The following PPP2R1B variants were observed in gnomAD, a reference collection of about 807,000 sequenced individuals.
PPP2R1B encodes the protein serine/threonine-protein phosphatase 2A 65 kDa regulatory subunit A beta isoform.
Under a neutral mutation model 72.7 loss-of-function variants are expected in PPP2R1B, and 58 were observed. The ratio of observed to expected loss-of-function variants is 0.80; its 90% CI spans 0.65 to 0.99. The LOEUF is 0.99. Among genes scored for constraint, PPP2R1B ranks in the 50% least tolerant of loss-of-function variants. The pLI, the probability that PPP2R1B is intolerant of heterozygous loss-of-function variation, is 0.00. For synonymous variants in PPP2R1B, 256 were observed against 264.6 expected (o/e 0.97, Z 0.32); for missense variants, 695 against 733.6 (o/e 0.95, Z 0.61).
At chr11:111,755,537 AACACC>A (rs1178277509) in intron 5 of PPP2R1B, 87 bp from the exon 6 acceptor site, 26 of 1,279,860 alleles carry the variant, frequency 2.0e-5, no homozygotes, top group Non-Finnish European at 2.7e-5. Context: ...TAAAAAAATT[AACACC>A]ACCAAGACTG....
At chr11:111,694,734 G>A in the PPP2R1B span, among the ~76,000 whole-genome samples, 6 of 152,150 alleles carry the variant, frequency 3.9e-5, no homozygotes, top group African/African-American at 1.4e-4. Flanking sequence ...GTATCCTTAA[G>A]TCCTACTTAG....
At chr11:111,688,032 G>T in the PPP2R1B span, 1 of 1,614,174 alleles carries the variant, frequency 6.2e-7, no homozygotes, top group South Asian at 1.1e-5. This position sits in a 1 kb window ranked among gnomAD's most constrained non-coding sequence, Gnocchi z 4.2. Flanking sequence ...GGTTAAATGA[G>T]TCTGAAGCCA....
the PPP2R1B span, among the ~76,000 whole-genome samples, chr11:111,702,976 C>G: frequency 1.1e-4 from 17 of 152,064 alleles, no homozygotes; most frequent in Non-Finnish European, 2.2e-4. Context: ...TTCCTTTAGC[C>G]CAGAATCTGA....
the PPP2R1B span, among the ~76,000 whole-genome samples, chr11:111,709,031 G>T: frequency 6.6e-6 from 1 of 152,204 alleles, no homozygotes; most frequent in African/African-American, 2.4e-5. Flanking sequence ...ACAACAGGTT[G>T]TGCCTGTTTG....
chr11:111,752,557 G>A (rs987802018), intron 9 of PPP2R1B, among the ~76,000 whole-genome samples: 12 of 152,198 alleles, frequency 7.9e-5, no homozygotes, highest in East Asian at 1.9e-4. Flanking sequence ...AGAAAAGTCC[G>A]TAAGATGGTA....
chr11:111,749,204 G>A (rs115870578), intron 10 of PPP2R1B, among the ~76,000 whole-genome samples: 207 of 152,144 alleles, frequency 1.4e-3, no homozygotes, highest in African/African-American at 4.7e-3. Context: ...CTTAGATTAC[G>A]TCAGCCAAGA....
chr11:111,743,055 G>A (rs908143299), intron 12 of PPP2R1B, among the ~76,000 whole-genome samples: 4 of 151,696 alleles, frequency 2.6e-5, no homozygotes, highest in African/African-American at 4.8e-5. Context: ...CACCATGCCC[G>A]GCTAATTTTT....
downstream of PPP2R1B, among the ~76,000 whole-genome samples, chr11:111,733,829 G>A (rs554327202): frequency 6.6e-6 from 1 of 152,316 alleles, no homozygotes; most frequent in Non-Finnish European, 1.5e-5. Flanking sequence ...GCAGTGGAAG[G>A]GAACCAGGGA....
chr11:111,742,435 C>T, intron 13 of PPP2R1B, 88 bp downstream of exon 13: 2 of 1,408,098 alleles, frequency 1.4e-6, no homozygotes, highest in Non-Finnish European at 1.9e-6. Context: ...AGTGAAAATC[C>T]CTGAACTTAA....
At chr11:111,712,100 A>C in the PPP2R1B span, 1 of 1,142,048 alleles carries the variant, frequency 8.8e-7, no homozygotes. Context: ...CCAATAAATA[A>C]ATATTCATTC....
In PPP2R1B at chr11:111,742,565, A is replaced by T; in HGVS notation, c.1655T>A (p.Val552Glu). 6.2e-7 allele frequency: 1 copy of T among 1,613,920 alleles called. No homozygotes were observed. Among genetic ancestry groups the T allele is most frequent in the African/African-American group, 1.3e-5 (1 of 75,066 alleles). ...GDQVANVRFN[V>E]AKSLQKIGPI... is the part of the protein sequence containing the mutation. ...TCCAATCTTTTGTAGAGATTTGGCC[A>T]CATTGAAGCGAACATTTGCTACTTG... Residue 552 changes from valine (V) to glutamate (E), a missense_variant, in exon 13 of 15, where the codon GTG becomes GAG. Coordinates refer to ENST00000527614, the MANE Select transcript of PPP2R1B (RefSeq NM_002716.5).
chr11:111,723,468 A>G, downstream of PPP2R1B: 2 of 1,555,936 alleles, frequency 1.3e-6, no homozygotes, highest in Non-Finnish European at 1.7e-6. Flanking sequence ...AAGATTTAAA[A>G]TTCTTTCCTT....
chr11:111,701,305 T>G, the PPP2R1B span: 7 of 1,125,796 alleles, frequency 6.2e-6, no homozygotes, highest in Non-Finnish European at 8.6e-6. The surrounding 1 kb of genome is among the most constrained non-coding windows in gnomAD (Gnocchi z 4.2). Context: ...GTCAGGGTTT[T>G]GGATTTTTTT....
At chr11:111,742,426 G>A in intron 13 of PPP2R1B, 97 bp downstream of exon 13, 3 of 1,349,880 alleles carry the variant, frequency 2.2e-6, no homozygotes, top group South Asian at 1.5e-5. Context: ...CTTAAGTAAA[G>A]TGAAAATCCC....
chr11:111,712,474 T>C, the PPP2R1B span: 1 of 1,289,076 alleles, frequency 7.8e-7, no homozygotes, highest in African/African-American at 1.5e-5. Flanking sequence ...CTTTATCATT[T>C]CGTTAAGTCA....
At chr11:111,704,864 C>T in the PPP2R1B span, 1 of 1,129,022 alleles carries the variant, frequency 8.9e-7, no homozygotes, top group Non-Finnish European at 1.2e-6. Context: ...CATCTTGAGA[C>T]ACTTTGTTTT....
chr11:111,719,352 A>AC, the PPP2R1B span, among the ~76,000 whole-genome samples: 2 of 94,776 alleles, frequency 2.1e-5, no homozygotes, highest in African/African-American at 7.8e-5. Flanking sequence ...CTTGGTGACT[A>AC]CCCCTTTTTT....
chr11:111,722,592 A>C, downstream of PPP2R1B: 2 of 1,392,894 alleles, frequency 1.4e-6, no homozygotes, highest in Non-Finnish European at 2.0e-6. This position sits in a 1 kb window ranked among gnomAD's most constrained non-coding sequence, Gnocchi z 4.4. Flanking sequence ...TCCTGCAGGC[A>C]GAAGCACATC....
At chr11:111,723,667 C>T, downstream of PPP2R1B, 1 of 1,614,172 alleles carries the variant, frequency 6.2e-7, no homozygotes, top group East Asian at 2.2e-5. Flanking sequence ...TGACCCAGCC[C>T]CTGAGCCCCG....
Sources: gnomAD v4.1 joint callset for allele counts (sites outside exome capture counted in the v4.1 genomes callset) on GRCh38, gnomAD v4.1.1 for gene constraint, Gnocchi (gnomAD v3.1) non-coding constraint, MANE v1.5 for transcripts, NCBI Gene and HGNC (gene_info 2026-07-23, HGNC 2026-07-21) for gene names.